RPS6KC1: variants seen among roughly 807,000 people sequenced by gnomAD.
The protein encoded by RPS6KC1 is inactive ribosomal protein S6 kinase delta-1.
Under a neutral mutation model 103.8 loss-of-function variants are expected in RPS6KC1, and 54 were observed. That is an observed-to-expected ratio of 0.52 (90% CI 0.42 to 0.65). The LOEUF (loss-of-function observed/expected upper bound fraction) is 0.65, where lower values mean the gene tolerates loss of function less well. RPS6KC1 is among the 30% of genes least tolerant of loss of function. The pLI, the probability that RPS6KC1 is intolerant of heterozygous loss-of-function variation, is 0.00. For synonymous variants in RPS6KC1, 439 were observed against 438.7 expected, an observed-to-expected ratio of 1.00 and a Z score of -0.01; for missense variants, 1,151 against 1,253.8, an observed-to-expected ratio of 0.92 and a Z score of 1.24.
chr1:213,626,612 G>A, the RPS6KC1 span, among the ~76,000 whole-genome samples: 23 of 152,134 alleles, frequency 1.5e-4, no homozygotes, highest in Admixed American at 7.2e-4. Flanking sequence ...TATAAGGTGT[G>A]AGGAAGGGAT....
chr1:213,424,014 A>C, the RPS6KC1 span, among the ~76,000 whole-genome samples: 1 of 152,234 alleles, frequency 6.6e-6, no homozygotes, highest in Non-Finnish European at 1.5e-5. Context: ...GATACATGCA[A>C]AGCCTCCTAC....
chr1:213,322,330 C>T, the RPS6KC1 span, among the ~76,000 whole-genome samples: 1 of 152,034 alleles, frequency 6.6e-6, no homozygotes. Flanking sequence ...GTCAGGTAGG[C>T]CCAAGTGGGA....
chr1:213,625,746 A>G, the RPS6KC1 span, among the ~76,000 whole-genome samples: 1 of 152,212 alleles, frequency 6.6e-6, no homozygotes, highest in South Asian at 2.1e-4. Flanking sequence ...ATGTCCCTAC[A>G]AAGGATATGA....
the RPS6KC1 span, among the ~76,000 whole-genome samples, chr1:213,524,927 T>TGTG: frequency 6.6e-6 from 1 of 152,248 alleles, no homozygotes; most frequent in Admixed American, 6.5e-5. Context: ...TTACTAGCAG[T>TGTG]GTGGTCTTGG....
chr1:213,468,752 C>T, the RPS6KC1 span, among the ~76,000 whole-genome samples: 1 of 152,204 alleles, frequency 6.6e-6, no homozygotes, highest in Non-Finnish European at 1.5e-5. Context: ...AACAGGCAAA[C>T]AAACATCTGA....
the RPS6KC1 span, among the ~76,000 whole-genome samples, chr1:213,549,802 G>T: frequency 2.6e-5 from 4 of 151,636 alleles, no homozygotes; most frequent in African/African-American, 9.7e-5. Context: ...ACTATTTCTG[G>T]GGCTCATCAT....
chr1:213,117,273 A>G (rs1182875751), intron 4 of RPS6KC1, 44 bp from the exon 5 acceptor site: 2 of 1,110,700 alleles, frequency 1.8e-6, no homozygotes, highest in African/African-American at 1.6e-5. Context: ...AGTGTTGTTT[A>G]TGCTCTTAAT....
the RPS6KC1 span, among the ~76,000 whole-genome samples, chr1:213,293,922 A>T: frequency 6.6e-6 from 1 of 152,196 alleles, no homozygotes; most frequent in Non-Finnish European, 1.5e-5. Flanking sequence ...ATAGGAAACA[A>T]TTCTTAATAA....
At chr1:213,815,355 C>A in the RPS6KC1 span, among the ~76,000 whole-genome samples, 1 of 152,138 alleles carries the variant, frequency 6.6e-6, no homozygotes, top group Admixed American at 6.5e-5. Flanking sequence ...ATAAACAAAA[C>A]AAACTAGTAA....
chr1:213,373,651 A>G, the RPS6KC1 span, among the ~76,000 whole-genome samples: 7 of 152,256 alleles, frequency 4.6e-5, no homozygotes, highest in African/African-American at 1.4e-4. Flanking sequence ...TTCTTAACAG[A>G]TATAAAACCA....
At chr1:213,430,434 C>A in the RPS6KC1 span, among the ~76,000 whole-genome samples, 1 of 152,118 alleles carries the variant, frequency 6.6e-6, no homozygotes, top group African/African-American at 2.4e-5. Context: ...TAAGAAAAAG[C>A]AAGCAGAACC....
At chr1:213,808,915 C>T in the RPS6KC1 span, among the ~76,000 whole-genome samples, 23 of 152,204 alleles carry the variant, frequency 1.5e-4, no homozygotes, top group Non-Finnish European at 3.1e-4. Context: ...CCTATTCGGC[C>T]ATCTTGGCTC....
chr1:213,286,005 T>G, the RPS6KC1 span, among the ~76,000 whole-genome samples: 1 of 152,200 alleles, frequency 6.6e-6, no homozygotes, highest in Non-Finnish European at 1.5e-5. Flanking sequence ...TTACCCAGCC[T>G]AAGGCAGAAC....
chr1:213,244,128 G>GT (rs1197334231), intron 12 of RPS6KC1, among the ~76,000 whole-genome samples: 1 of 150,328 alleles, frequency 6.7e-6, no homozygotes, highest in Non-Finnish European at 1.5e-5. Flanking sequence ...GTGATGTTAT[G>GT]TTTTGAAATC....
At chr1:213,590,524 C>T in the RPS6KC1 span, among the ~76,000 whole-genome samples, 5 of 152,124 alleles carry the variant, frequency 3.3e-5, no homozygotes, top group Admixed American at 1.3e-4. Context: ...CAGTAAGCTG[C>T]GAGGCAATCT....
chr1:213,633,521 C>T, the RPS6KC1 span, among the ~76,000 whole-genome samples: 2 of 152,074 alleles, frequency 1.3e-5, no homozygotes, highest in Non-Finnish European at 2.9e-5. Context: ...CACCACCAGG[C>T]CTGCCTTACA....
At chr1:213,599,639 C>T in the RPS6KC1 span, among the ~76,000 whole-genome samples, 2 of 152,276 alleles carry the variant, frequency 1.3e-5, no homozygotes, top group South Asian at 2.1e-4. Flanking sequence ...TCTTCAATCA[C>T]GGGAAAATCT....
the RPS6KC1 span, among the ~76,000 whole-genome samples, chr1:213,542,124 A>G: frequency 6.6e-6 from 1 of 152,240 alleles, no homozygotes; most frequent in African/African-American, 2.4e-5. Flanking sequence ...AAAAGTCTCC[A>G]CATGAGGACA....
intron 14 of RPS6KC1, 52 bp downstream of exon 14, chr1:213,262,868 GC>G: frequency 9.5e-7 from 1 of 1,054,014 alleles, no homozygotes; most frequent in Non-Finnish European, 1.5e-6. Context: ...GATTAGCAGA[GC>G]CCACAACTCC....
Sources: gnomAD v4.1 joint callset for allele counts (sites outside exome capture counted in the v4.1 genomes callset) on GRCh38, gnomAD v4.1.1 for gene constraint, MANE v1.5 for transcripts, NCBI Gene and HGNC (gene_info 2026-07-23, HGNC 2026-07-21) for gene names.